Variants in FBLN2 observed in about 807,000 individuals in gnomAD.
The protein encoded by FBLN2 is fibulin 2, also known as fibulin-2.
Under a neutral mutation model 123.7 loss-of-function variants are expected in FBLN2, and 81 were observed. The ratio of observed to expected loss-of-function variants is 0.65; its 90% confidence interval spans 0.55 to 0.79. The LOEUF (loss-of-function observed/expected upper bound fraction) is 0.79. FBLN2 is among the 30% of genes least tolerant of loss of function. The pLI, the probability that FBLN2 is intolerant of heterozygous loss-of-function variation, is 0.00. For synonymous variants in FBLN2, 699 were observed against 701.4 expected (o/e 1.00, Z 0.05); for missense variants, 1,603 against 1,681.3 (o/e 0.95, Z 0.81).
intron 2 of FBLN2, among the ~76,000 whole-genome samples, chr3:13,604,958 G>A (rs975182412): frequency 1.3e-5 from 2 of 152,196 alleles, no homozygotes; most frequent in African/African-American, 4.8e-5. Flanking sequence ...GTGCCCTTAC[G>A]TGAACTGCTC....
chr3:13,626,353 T>C, intron 9 of FBLN2, 92 bp from the exon 10 acceptor site: 2 of 1,345,676 alleles, frequency 1.5e-6, no homozygotes, highest in Admixed American at 2.4e-5. Flanking sequence ...GGCCTGGAGC[T>C]CTCTCCCTCC....
chr3:13,576,682 T>G (rs1574954980), intron 2 of FBLN2, among the ~76,000 whole-genome samples: 1 of 148,188 alleles, frequency 6.7e-6, no homozygotes, highest in Admixed American at 6.7e-5. Flanking sequence ...AGAACTAGGG[T>G]GAGGAGGAAT....
Position 13,629,255 on chromosome 3 carries a change from C to T in FBLN2, c.2805C>T (p.Ala935=), listed in dbSNP as rs370876078. Reference sequence around the variant, plus strand: ...GCTCCTACCGCTGTGACTGCAAAGCCGGCTTTCAGCGGGATGCCTTTGGCC... The same window carrying T: ...GCTCCTACCGCTGTGACTGCAAAGCTGGCTTTCAGCGGGATGCCTTTGGCC... ...LPGSYRCDCK[A]GFQRDAFGRG... Residue 935 remains alanine (A), a synonymous_variant, in exon 13 of 18, where the codon GCC becomes GCT. Coordinates refer to ENST00000404922, the MANE Select transcript of FBLN2 (RefSeq NM_001004019.2). 1.7e-5 allele frequency: 27 copies of T among 1,612,486 alleles called. No homozygotes were observed. The highest frequency in any genetic ancestry group is 9.3e-5 in the African/African-American group (7 of 74,928).
chr3:13,550,507 G>A (rs1471408729), intron 1 of FBLN2, among the ~76,000 whole-genome samples: 1 of 152,254 alleles, frequency 6.6e-6, no homozygotes, highest in East Asian at 1.9e-4. Flanking sequence ...GATGGTTTGG[G>A]TGCTTGTGTC....
At chr3:13,584,289 C>A (rs1423473568) in intron 2 of FBLN2, among the ~76,000 whole-genome samples, 1 of 152,188 alleles carries the variant, frequency 6.6e-6, no homozygotes, top group African/African-American at 2.4e-5. Context: ...CCTCTGCCAC[C>A]CCTCCTGACA....
At chr3:13,626,667 C>G (rs1416206695) in intron 10 of FBLN2, 88 bp downstream of exon 10, 1 of 1,392,366 alleles carries the variant, frequency 7.2e-7, no homozygotes, top group African/African-American at 1.4e-5. Context: ...CTGTCCTGCC[C>G]TGGCCACCCT....
intron 2 of FBLN2, among the ~76,000 whole-genome samples, chr3:13,573,471 C>T (rs1465154998): frequency 6.6e-6 from 1 of 152,182 alleles, no homozygotes; most frequent in South Asian, 2.1e-4. Context: ...GAACATCACA[C>T]CTCTGTGACT....
chr3:13,581,319 G>T (rs1366158461), intron 2 of FBLN2, among the ~76,000 whole-genome samples: 1 of 152,086 alleles, frequency 6.6e-6, no homozygotes, highest in Non-Finnish European at 1.5e-5. Flanking sequence ...AAGCAAGCAG[G>T]CCTGAGATTT....
chr3:13,557,426 A>G (rs1477693677), intron 1 of FBLN2, among the ~76,000 whole-genome samples: 2 of 152,284 alleles, frequency 1.3e-5, no homozygotes, highest in African/African-American at 2.4e-5. Flanking sequence ...CAAAAAAGTC[A>G]TGGAACTAAA....
At position 13,571,177 on chromosome 3, in the gene FBLN2, C is replaced by A. The variant is rs370822050; in HGVS notation, c.822C>A (p.Thr274=). ...TGCAGGCCAAAGCTAGGAGAGTGACCGAGGACAGTGAGGAGGAAGAAGAGG... is the reference window on the plus strand; with the variant it reads ...TGCAGGCCAAAGCTAGGAGAGTGACAGAGGACAGTGAGGAGGAAGAAGAGG... ...APVQAKARRV[T]EDSEEEEEEE... Residue 274 remains threonine (T), a synonymous_variant, in exon 2 of 18, where the codon ACC becomes ACA. Coordinates refer to ENST00000404922, the MANE Select transcript of FBLN2 (RefSeq NM_001004019.2). The A allele has an allele frequency of 1.3e-6, 2 of 1,564,760 alleles. No individual in the cohort carries two copies. The highest frequency in any genetic ancestry group is 2.7e-5 in the African/African-American group (2 of 73,558).
rs1349814377 is a variant in FBLN2, at chr3:13,549,204, C to G, written c.-46C>G. On this transcript the variant is annotated 5_prime_UTR_variant, in exon 1 of 18. Coordinates refer to ENST00000404922, the MANE Select transcript of FBLN2 (RefSeq NM_001004019.2). ...ACGGACGGACGCCGAGCGCAGTGCC[C>G]CGCGGTGAGTGCACGCGGCCCCTCC... 1.0e-6 allele frequency: 1 copy of G among 983,524 alleles called. No individual in the cohort carries two copies. The highest frequency in any genetic ancestry group is 1.2e-6 in the Non-Finnish European group (1 of 829,304). 60.9% of individuals were successfully genotyped at this position (983,524 alleles called of 1,614,324 possible).
chr3:13,577,937 T>C (rs1704202204), intron 2 of FBLN2, among the ~76,000 whole-genome samples: 1 of 152,188 alleles, frequency 6.6e-6, no homozygotes, highest in Non-Finnish European at 1.5e-5. Flanking sequence ...AAAACTGTCA[T>C]CTTGGGGCTG....
At chr3:13,568,692 A>G (rs917265725) in intron 1 of FBLN2, 2 of 862,942 alleles carry the variant, frequency 2.3e-6, no homozygotes, top group South Asian at 5.3e-5. Context: ...CTTCCGCCGG[A>G]CTGACACGGG....
Position 13,570,832 on chromosome 3 carries a change from C to G in FBLN2, c.477C>G (p.Ala159=), listed in dbSNP as rs1481943590. 3.7e-6 allele frequency: 6 copies of G among 1,606,996 alleles called. No individual in the cohort carries two copies. In the East Asian group the frequency reaches 1.3e-4, roughly 36 times the overall value. The change falls in exon 2 of 18, where the codon GCC becomes GCG. Residue 159 remains alanine (A), a synonymous_variant. Transcript: ENST00000404922. The stretch of plus-strand genomic sequence containing the variant: ...CTGTTCACCTGCCGCCCTGCCGGGC[C>G]TGCCACTGCCCTGACGCCGGTGGAG... ...GHTVHLPPCR[A]CHCPDAGGEL...
At chr3:13,600,484 G>A (rs940810020) in intron 2 of FBLN2, among the ~76,000 whole-genome samples, 6 of 152,282 alleles carry the variant, frequency 3.9e-5, no homozygotes, top group Non-Finnish European at 8.8e-5. Flanking sequence ...GTGATGGTTA[G>A]AGTCCCAGAG....
intron 3 of FBLN2, among the ~76,000 whole-genome samples, chr3:13,609,075 G>A (rs972505652): frequency 2.0e-5 from 3 of 152,154 alleles, no homozygotes; most frequent in Admixed American, 1.3e-4. Context: ...CGTAATCCCC[G>A]CCGCCCTGTC....
At position 13,630,722 on chromosome 3, in the gene FBLN2, C is replaced by A. The variant is rs544993370; in HGVS notation, c.2992C>A (p.Arg998Ser). Residue 998 changes from arginine to serine, a missense_variant, in exon 15 of 18, where the codon CGC (arginine) becomes AGC (serine). Coordinates refer to ENST00000404922, the MANE Select transcript of FBLN2 (RefSeq NM_001004019.2). ...AGACGTGAATGAGTGTGAGGCCCAG[C>A]GCTGCAGCCAGGAGTGTGCCAACAT... ...CEDVNECEAQ[R>S]CSQECANIYG... 6.2e-7 allele frequency: 1 copy of A among 1,607,820 alleles called. No individual in the cohort carries two copies. Among genetic ancestry groups the A allele is most frequent in the East Asian group, 2.2e-5 (1 of 44,710 alleles).
rs970670791 is a variant in FBLN2, at chr3:13,570,635, G to A, written c.280G>A (p.Gly94Arg). 27 of 1,581,854 alleles carry A rather than the reference G, an allele frequency of 1.7e-5. No homozygotes were observed. The highest frequency in any genetic ancestry group is 5.4e-5 in the Admixed American group (3 of 55,722). ...CGGTCAGTCCTATTTTGTGGACTTCGGGAGCACTGAGTGCTCCTGCCCACC... is the reference window on the plus strand; with the variant it reads ...CGGTCAGTCCTATTTTGTGGACTTCAGGAGCACTGAGTGCTCCTGCCCACC... ...PAGQSYFVDF[G>R]STECSCPPGG... Residue 94 changes from glycine (G) to arginine (R), a missense_variant, in exon 2 of 18, where the codon GGG becomes AGG. Gly to Arg is a moderately radical substitution (Grantham distance 125, BLOSUM62 -2). Transcript: ENST00000404922.
intron 5 of FBLN2, among the ~76,000 whole-genome samples, chr3:13,614,577 T>C (rs1184718114): frequency 9.3e-6 from 1 of 107,820 alleles, no homozygotes; most frequent in Non-Finnish European, 1.7e-5. Context: ...CCATCATCTG[T>C]CCATCCATCC....
Sources: gnomAD v4.1 joint callset for allele counts (sites outside exome capture counted in the v4.1 genomes callset) on GRCh38, gnomAD v4.1.1 for gene constraint, MANE v1.5 for transcripts, NCBI Gene and HGNC (gene_info 2026-07-23, HGNC 2026-07-21) for gene names.